The following LRMDA variants were observed in gnomAD, a reference collection of about 807,000 sequenced individuals.
The protein encoded by LRMDA is leucine rich melanocyte differentiation associated.
A neutral mutation model predicts 29.8 loss-of-function variants in LRMDA; 18 were observed. The ratio of observed to expected loss-of-function variants is 0.60; its 90% CI spans 0.42 to 0.90. LRMDA has a LOEUF of 0.90. Ranked by LOEUF, LRMDA falls within the 40% of genes least tolerant of loss-of-function variation. LRMDA has a pLI of 0.00. For missense variants in LRMDA, 273 were observed against 273.9 expected (o/e 1.00, Z 0.02); for synonymous variants, 125 against 109.4 (o/e 1.14, Z -0.89).
At chr10:76,427,276 C>A (rs11001777) in intron 6 of LRMDA, among the ~76,000 whole-genome samples, 38,006 of 151,766 alleles carry the variant, frequency 0.25, 5,954 homozygotes, top group Non-Finnish European at 0.36. Context: ...TCTTTTATTT[C>A]ATTGAGCAGT....
chr10:76,195,313 A>G (rs968833095), intron 5 of LRMDA, among the ~76,000 whole-genome samples: 3 of 152,190 alleles, frequency 2.0e-5, no homozygotes, highest in Non-Finnish European at 4.4e-5. Context: ...TTGACCTTGT[A>G]CCATTGAAAG....
At chr10:76,230,658 C>G (rs933404405) in intron 5 of LRMDA, among the ~76,000 whole-genome samples, 3 of 151,446 alleles carry the variant, frequency 2.0e-5, no homozygotes, top group African/African-American at 7.3e-5. Context: ...TAAACATATT[C>G]TTTATCTGAG....
intron 6 of LRMDA, among the ~76,000 whole-genome samples, chr10:76,542,110 G>A (rs1313976642): frequency 6.6e-6 from 1 of 151,772 alleles, no homozygotes; most frequent in African/African-American, 2.4e-5. Flanking sequence ...CTCCCCTTGG[G>A]GGAAGTCACA....
chr10:76,039,271 A>G (rs1436279231), intron 3 of LRMDA, among the ~76,000 whole-genome samples: 4 of 152,242 alleles, frequency 2.6e-5, no homozygotes, highest in Non-Finnish European at 4.4e-5. Flanking sequence ...TGTCTCCTTC[A>G]GATTTTACTT....
rs1430546693 is a variant in LRMDA at position 75,477,459 on chromosome 10, C to G, written c.131+38965C>G. Among the ~76,000 whole-genome samples, 3 of 152,232 alleles carry G rather than the reference C, an allele frequency of 2.0e-5. No individual in the cohort carries two copies. In the East Asian group the frequency reaches 5.8e-4, roughly 29 times the overall value. On this transcript the variant is annotated intron_variant, in intron 2 of 6. Coordinates refer to ENST00000611255, the MANE Select transcript of LRMDA (RefSeq NM_001305581.2). ...AGCCCTTATTTCTACCTTTGCCTGT[C>G]AAACTCCTACATGTTCCAGGCTCAC...
intron 5 of LRMDA, among the ~76,000 whole-genome samples, chr10:76,243,677 A>G (rs943316487): frequency 6.6e-6 from 1 of 152,158 alleles, no homozygotes; most frequent in Admixed American, 6.5e-5. Flanking sequence ...GGAACCTTTA[A>G]CTTGGCCAAA....
intron 5 of LRMDA, among the ~76,000 whole-genome samples, chr10:76,240,285 C>G (rs1467372295): frequency 6.6e-6 from 1 of 151,180 alleles, no homozygotes; most frequent in African/African-American, 2.4e-5. Context: ...TTTGCAGCAA[C>G]CTGGATGGAA....
intron 2 of LRMDA, among the ~76,000 whole-genome samples, chr10:75,746,952 A>T (rs1842898206): frequency 6.6e-6 from 1 of 152,148 alleles, no homozygotes; most frequent in South Asian, 2.1e-4. Context: ...ATTCCTTTCT[A>T]CTGTGATGGA....
chr10:76,036,539 C>T (rs1848249677), intron 3 of LRMDA, among the ~76,000 whole-genome samples: 1 of 152,216 alleles, frequency 6.6e-6, no homozygotes, highest in Non-Finnish European at 1.5e-5. Context: ...CGGGTAATGC[C>T]GCCAAGCAAA....
chr10:75,625,257 A>G (rs1352831431), intron 2 of LRMDA, among the ~76,000 whole-genome samples: 1 of 152,220 alleles, frequency 6.6e-6, no homozygotes, highest in African/African-American at 2.4e-5. Context: ...ACATGCACCA[A>G]CTGTATTTAA....
At chr10:76,190,299 T>C (rs1851222326) in intron 5 of LRMDA, among the ~76,000 whole-genome samples, 1 of 152,178 alleles carries the variant, frequency 6.6e-6, no homozygotes, top group Non-Finnish European at 1.5e-5. Context: ...GAATACGCCC[T>C]GGAAGTACAG....
chr10:75,676,349 A>G (rs1841959738), intron 2 of LRMDA, among the ~76,000 whole-genome samples: 1 of 152,248 alleles, frequency 6.6e-6, no homozygotes, highest in Non-Finnish European at 1.5e-5. Flanking sequence ...TGTGTGTCTT[A>G]AACTAAACGA....
intron 2 of LRMDA, among the ~76,000 whole-genome samples, chr10:76,021,045 A>G (rs1847966712): frequency 6.6e-6 from 1 of 152,224 alleles, no homozygotes; most frequent in Admixed American, 6.5e-5. Context: ...GTAGGATGCA[A>G]AGAGATATAA....
intron 2 of LRMDA, among the ~76,000 whole-genome samples, chr10:75,559,212 A>G (rs918586721): frequency 6.6e-6 from 1 of 152,084 alleles, no homozygotes; most frequent in African/African-American, 2.4e-5. Context: ...TGACTTTTTA[A>G]TGATCGCCAT....
At chr10:75,545,470 T>G (rs1018375784) in intron 2 of LRMDA, among the ~76,000 whole-genome samples, 2 of 152,198 alleles carry the variant, frequency 1.3e-5, no homozygotes, top group African/African-American at 4.8e-5. Context: ...CCTCAGTTTC[T>G]TTCTCTGCTA....
At chr10:75,669,624 A>G (rs2132141848) in intron 2 of LRMDA, among the ~76,000 whole-genome samples, 1 of 152,334 alleles carries the variant, frequency 6.6e-6, no homozygotes, top group South Asian at 2.1e-4. Flanking sequence ...TGTCACTTGT[A>G]AGCTTCCCTC....
chr10:76,147,510 T>C (rs939316577), intron 5 of LRMDA, among the ~76,000 whole-genome samples: 2 of 152,208 alleles, frequency 1.3e-5, no homozygotes, highest in African/African-American at 4.8e-5. Context: ...GTCACGTAGC[T>C]CTCGTGCCTT....
At chr10:75,759,652 C>T (rs1843072068) in intron 2 of LRMDA, among the ~76,000 whole-genome samples, 2 of 152,144 alleles carry the variant, frequency 1.3e-5, no homozygotes, top group African/African-American at 2.4e-5. Flanking sequence ...AATTTTAACA[C>T]TCACTTTGTT....
intron 2 of LRMDA, among the ~76,000 whole-genome samples, chr10:75,553,034 A>C (rs1281607911): frequency 6.6e-6 from 1 of 152,202 alleles, no homozygotes; most frequent in Non-Finnish European, 1.5e-5. Context: ...TAACATCTGC[A>C]TCACATCTGT....
Sources: gnomAD v4.1 joint callset for allele counts (sites outside exome capture counted in the v4.1 genomes callset) on GRCh38, gnomAD v4.1.1 for gene constraint, MANE v1.5 for transcripts, NCBI Gene and HGNC (gene_info 2026-07-23, HGNC 2026-07-21) for gene names.